Variants in LRRC7 observed in about 807,000 individuals in gnomAD.
LRRC7 encodes leucine rich repeat containing 7.
LRRC7 carries 23 observed loss-of-function variants against 175.7 expected under a neutral mutation model. The ratio of observed to expected loss-of-function variants is 0.13; its 90% CI spans 0.09 to 0.19. LRRC7 has a LOEUF of 0.19. LRRC7 is among the 10% of genes least tolerant of loss of function. LRRC7 has a pLI of 1.00. For synonymous variants in LRRC7, 685 were observed against 680.9 expected (o/e 1.01, Z -0.09); for missense variants, 1,354 against 1,904.7 (o/e 0.71, Z 5.38).
intron 8 of LRRC7, among the ~76,000 whole-genome samples, chr1:69,939,049 A>C (rs561905474): frequency 7.2e-5 from 9 of 124,932 alleles, no homozygotes; most frequent in East Asian, 2.7e-4. Context: ...ATCTATATCT[A>C]TCTCACAGAC....
intron 7 of LRRC7, among the ~76,000 whole-genome samples, chr1:69,868,181 C>T (rs368912686): frequency 9.9e-5 from 15 of 151,776 alleles, no homozygotes; most frequent in African/African-American, 3.6e-4. Context: ...TGGGACAATG[C>T]TCAAAAGATA....
In LRRC7 at chr1:70,136,745, T is replaced by C. The variant is rs1471944427; in HGVS notation, c.*14858T>C. Among the ~76,000 whole-genome samples, 2 of 143,588 alleles carry C rather than the reference T, an allele frequency of 1.4e-5. No homozygotes were observed. Among genetic ancestry groups the C allele is most frequent in the African/African-American group, 2.7e-5 (1 of 37,578 alleles). 94.2% of individuals were successfully genotyped at this position (143,588 alleles called of 152,430 possible). A position where few individuals can be genotyped will look rare whatever the true frequency, so the allele number is the denominator to read the frequency against. On this transcript the variant is annotated 3_prime_UTR_variant, in exon 27 of 27. Coordinates refer to ENST00000651989, the MANE Select transcript of LRRC7 (RefSeq NM_001370785.2). ...CCTTTTTTTTTTTTTTTTTTTTTTT[T>C]CTGAGACAGGGTCTTGCTCTGTCAC...
rs762036181 is a variant in LRRC7 at position 70,138,947 on chromosome 1, C to T, written c.*17060C>T. 2 of 152,192 alleles carry T rather than the reference C, an allele frequency of 1.3e-5. No individual in the cohort carries two copies. Among genetic ancestry groups the T allele is most frequent in the Non-Finnish European group, 2.9e-5 (2 of 68,022 alleles). 9.4% of individuals were successfully genotyped at this position (152,192 alleles called of 1,614,324 possible). On this transcript the variant is annotated 3_prime_UTR_variant, in exon 27 of 27. Transcript: ENST00000651989. ...TATGTTAAATTCAAAGGCATAGCTG[C>T]TCGTGAAGACCCTATTATGTTTTAT...
At position 70,038,986 on chromosome 1, in the gene LRRC7, A is replaced by T. The variant is rs146321535; in HGVS notation, c.3162A>T (p.Pro1054=). 1 of 1,614,046 alleles carries T rather than the reference A, an allele frequency of 6.2e-7. No individual in the cohort carries two copies. Among genetic ancestry groups the T allele is most frequent in the Non-Finnish European group, 8.5e-7 (1 of 1,179,988 alleles). The change falls in exon 21 of 27, where the codon CCA becomes CCT. Residue 1054 remains proline (P), a synonymous_variant. Transcript: ENST00000651989. ...TCACCTACGGAAGTAGTAAGGGGCC[A>T]CAACAACAAAAAGCTTCTATGACAA... ...EMLTYGSSKG[P]QQQKASMTKK...
At chr1:69,842,663 T>C (rs1401964953) in intron 7 of LRRC7, among the ~76,000 whole-genome samples, 5 of 152,086 alleles carry the variant, frequency 3.3e-5, no homozygotes, top group African/African-American at 1.2e-4. Flanking sequence ...AGATGAAGAA[T>C]GCTAAGAGTT....
chr1:70,069,807 G>A (rs1337715928), intron 23 of LRRC7, among the ~76,000 whole-genome samples: 1 of 152,024 alleles, frequency 6.6e-6, no homozygotes, highest in Non-Finnish European at 1.5e-5. Context: ...TTTTCTCTCT[G>A]TTATTCAGAT....
intron 2 of LRRC7, among the ~76,000 whole-genome samples, chr1:69,714,760 T>C (rs751203952): frequency 2.0e-5 from 3 of 152,090 alleles, no homozygotes; most frequent in Non-Finnish European, 4.4e-5. Context: ...TTAACTTGAA[T>C]AGCAAGATTA....
chr1:70,030,056 C>G (rs563880736), intron 18 of LRRC7, among the ~76,000 whole-genome samples: 10 of 150,272 alleles, frequency 6.7e-5, no homozygotes, highest in Admixed American at 3.3e-4. Flanking sequence ...AAATAATTAC[C>G]AAAGCCTGTG....
intron 7 of LRRC7, among the ~76,000 whole-genome samples, chr1:69,882,564 G>C (rs1686727956): frequency 6.7e-6 from 1 of 150,096 alleles, no homozygotes; most frequent in South Asian, 2.1e-4. Context: ...TAAAAACAGA[G>C]ATTCTACCAT....
intron 1 of LRRC7, among the ~76,000 whole-genome samples, chr1:69,629,515 C>T (rs896542783): frequency 7.9e-5 from 12 of 152,108 alleles, no homozygotes; most frequent in South Asian, 2.1e-4. Flanking sequence ...GCAACCTGCA[C>T]GTCTCCAAGC....
intron 2 of LRRC7, among the ~76,000 whole-genome samples, chr1:69,753,701 T>C (rs755190798): frequency 2.0e-5 from 3 of 152,090 alleles, no homozygotes; most frequent in Non-Finnish European, 4.4e-5. Flanking sequence ...CTTTAAATCA[T>C]AGACTTGGCA....
chr1:69,993,157 A>G (rs573601741), intron 10 of LRRC7, among the ~76,000 whole-genome samples: 4 of 152,300 alleles, frequency 2.6e-5, no homozygotes, highest in African/African-American at 9.6e-5. Context: ...AAATGATTCA[A>G]TCACCTTTTG....
chr1:70,036,403 C>A, intron 19 of LRRC7, 41 bp from the exon 20 acceptor site: 1 of 1,543,264 alleles, frequency 6.5e-7, no homozygotes, highest in South Asian at 1.2e-5. Flanking sequence ...GTGTAATTGT[C>A]AGTGTCATAG....
At chr1:69,919,897 C>T (rs1646833532) in intron 7 of LRRC7, 4 of 662,234 alleles carry the variant, frequency 6.0e-6, no homozygotes, top group South Asian at 3.2e-5. Flanking sequence ...GGCCAGTGGC[C>T]GAACCCCCCA....
At chr1:69,659,521 A>C (rs1248709004) in intron 1 of LRRC7, among the ~76,000 whole-genome samples, 1 of 151,922 alleles carries the variant, frequency 6.6e-6, no homozygotes, top group Non-Finnish European at 1.5e-5. Flanking sequence ...AGCCAAAAAA[A>C]AAAAAAAGAT....
At chr1:69,605,078 C>T (rs1647308583) in intron 1 of LRRC7, among the ~76,000 whole-genome samples, 1 of 152,122 alleles carries the variant, frequency 6.6e-6, no homozygotes, top group Non-Finnish European at 1.5e-5. Flanking sequence ...CAAATCTCAT[C>T]TTGAATTGTA....
chr1:69,639,778 G>A (rs1486564659), intron 1 of LRRC7, among the ~76,000 whole-genome samples: 1 of 151,502 alleles, frequency 6.6e-6, no homozygotes, highest in African/African-American at 2.4e-5. Flanking sequence ...ATTCCTGCCA[G>A]GATTTGAATT....
chr1:69,708,349 C>A (rs72673058), intron 2 of LRRC7, among the ~76,000 whole-genome samples: 9,862 of 151,830 alleles, frequency 0.065, 424 homozygotes, highest in Middle Eastern at 0.18. Context: ...CTGATCTCCC[C>A]CATCTATTAC....
At chr1:69,636,754 C>T (rs1054954754) in intron 1 of LRRC7, among the ~76,000 whole-genome samples, 2 of 151,868 alleles carry the variant, frequency 1.3e-5, no homozygotes, top group African/African-American at 4.8e-5. Flanking sequence ...AATATTTCTG[C>T]ACATGTTGAA....
Sources: gnomAD v4.1 joint callset for allele counts (sites outside exome capture counted in the v4.1 genomes callset) on GRCh38, gnomAD v4.1.1 for gene constraint, MANE v1.5 for transcripts, NCBI Gene and HGNC (gene_info 2026-07-23, HGNC 2026-07-21) for gene names.